The following UBE3C variants were observed in gnomAD, a reference collection of about 807,000 sequenced individuals.
The protein encoded by UBE3C is ubiquitin protein ligase E3C, also known as ubiquitin-protein ligase E3C.
Under a neutral mutation model 129.4 loss-of-function variants are expected in UBE3C, and 42 were observed. That is an observed-to-expected ratio of 0.32 (90% confidence interval 0.25 to 0.42). The LOEUF is 0.42. Ranked by LOEUF, UBE3C falls within the 10% of genes least tolerant of loss-of-function variation. The pLI, the probability that UBE3C is intolerant of heterozygous loss-of-function variation, is 1.00. For missense variants in UBE3C, 1,049 were observed against 1,319.1 expected, an observed-to-expected ratio of 0.80 and a Z score of 3.17; for synonymous variants, 510 against 492.4, an observed-to-expected ratio of 1.04 and a Z score of -0.47.
intron 5 of UBE3C, among the ~76,000 whole-genome samples, chr7:157,176,366 C>T (rs1209202862): frequency 6.6e-6 from 1 of 152,176 alleles, no homozygotes; most frequent in Non-Finnish European, 1.5e-5. Context: ...CCACTGCCTC[C>T]TGGGTTCAAG....
intron 10 of UBE3C, among the ~76,000 whole-genome samples, chr7:157,191,581 A>C (rs1808968553): frequency 6.6e-6 from 1 of 152,192 alleles, no homozygotes; most frequent in Admixed American, 6.5e-5. Flanking sequence ...TGCAGGTGCA[A>C]GTCACTGCGC....
At chr7:157,146,227 A>G (rs543529684) in intron 1 of UBE3C, among the ~76,000 whole-genome samples, 1 of 151,804 alleles carries the variant, frequency 6.6e-6, no homozygotes, top group South Asian at 2.1e-4. Context: ...TCAGTTGGCT[A>G]TATTTTTATG....
At chr7:157,181,086 T>C (rs1317200017) in intron 6 of UBE3C, among the ~76,000 whole-genome samples, 1 of 152,252 alleles carries the variant, frequency 6.6e-6, no homozygotes, top group Non-Finnish European at 1.5e-5. Flanking sequence ...TCACAATATG[T>C]GGTCCTTATT....
chr7:157,175,137 C>CTTTTTTTTTT (rs56852731), intron 5 of UBE3C, 103 bp downstream of exon 5: 2,844 of 251,670 alleles, frequency 0.011, 154 homozygotes, highest in African/African-American at 0.016. Context: ...CTTTTCCATA[C>CTTTTTTTTTT]TTTTTTTTTT....
chr7:157,157,151 TTAAAAA>T (rs1179027425), intron 1 of UBE3C, among the ~76,000 whole-genome samples: 1 of 152,162 alleles, frequency 6.6e-6, no homozygotes, highest in African/African-American at 2.4e-5. Flanking sequence ...CAGCATACTA[TTAAAAA>T]TAAACCTGCA....
chr7:157,234,613 C>T (rs897900799), intron 18 of UBE3C, among the ~76,000 whole-genome samples: 17 of 152,056 alleles, frequency 1.1e-4, no homozygotes, highest in Admixed American at 3.9e-4. Flanking sequence ...TGTCGTAGCC[C>T]CAGTTATTTC....
chr7:157,183,761 A>T, intron 8 of UBE3C, 117 bp from the exon 9 acceptor site: 1 of 1,299,188 alleles, frequency 7.7e-7, no homozygotes, highest in South Asian at 1.5e-5. Flanking sequence ...TTAGAATTTT[A>T]AAAATAAGAT....
At position 157,201,659 on chromosome 7, in the gene UBE3C, A is replaced by T. The variant is rs3039776; in HGVS notation, c.1332-62A>T. 0.031 allele frequency: 7,893 copies of T among 258,336 alleles called. 243 individuals carry two copies. The highest frequency in any genetic ancestry group is 0.059 in the South Asian group (697 of 11,866). 16.0% of individuals were successfully genotyped at this position (258,336 alleles called of 1,614,324 possible). Reference sequence around the variant, plus strand: ...TCGCTTTTTTTTTTTTTTTTTTTTTAAGAAATGTTTTGAATAAGTAATTGC... The same window carrying T: ...TCGCTTTTTTTTTTTTTTTTTTTTTTAGAAATGTTTTGAATAAGTAATTGC... On this transcript the variant is annotated intron_variant, in intron 10 of 22. Coordinates refer to ENST00000348165, the MANE Select transcript of UBE3C (RefSeq NM_014671.3).
At chr7:157,253,083 A>G (rs1796659312) in intron 19 of UBE3C, among the ~76,000 whole-genome samples, 1 of 152,160 alleles carries the variant, frequency 6.6e-6, no homozygotes, top group African/African-American at 2.4e-5. Flanking sequence ...TTTATTTAAA[A>G]TACACTCTTT....
intron 5 of UBE3C, among the ~76,000 whole-genome samples, chr7:157,177,030 A>T: frequency 6.6e-6 from 1 of 152,168 alleles, no homozygotes; most frequent in East Asian, 1.9e-4. Context: ...ATATTTTTTA[A>T]TGCCGTTGAA....
chr7:157,246,004 A>AAC (rs1285019703), intron 18 of UBE3C, among the ~76,000 whole-genome samples: 1 of 151,770 alleles, frequency 6.6e-6, no homozygotes, highest in East Asian at 1.9e-4. Flanking sequence ...AAAAAAAAAA[A>AAC]AAAAAAAAAA....
At chr7:157,189,127 T>C (rs538866245) in intron 10 of UBE3C, 36 of 403,916 alleles carry the variant, frequency 8.9e-5, no homozygotes, top group Admixed American at 3.9e-4. Context: ...TGGAAGCATA[T>C]ACAAGAAACT....
intron 1 of UBE3C, among the ~76,000 whole-genome samples, chr7:157,155,779 G>T (rs566994544): frequency 6.6e-6 from 1 of 152,146 alleles, no homozygotes; most frequent in Non-Finnish European, 1.5e-5. Flanking sequence ...AGAAGATAAC[G>T]ATAGTACCTA....
chr7:157,185,077 T>C (rs951975672), intron 9 of UBE3C, among the ~76,000 whole-genome samples: 1 of 152,226 alleles, frequency 6.6e-6, no homozygotes, highest in Admixed American at 6.5e-5. Flanking sequence ...ATTTTTGTTT[T>C]TGGAAGAAAG....
At chr7:157,139,445 G>C in intron 1 of UBE3C, 107 bp downstream of exon 1, 1 of 1,120,586 alleles carries the variant, frequency 8.9e-7, no homozygotes, top group Non-Finnish European at 1.2e-6. Flanking sequence ...CCGAGACTTG[G>C]GGCTGGATTC....
intron 1 of UBE3C, among the ~76,000 whole-genome samples, chr7:157,150,774 A>G (rs576927556): frequency 4.9e-4 from 74 of 152,362 alleles, no homozygotes; most frequent in Non-Finnish European, 9.6e-4. Flanking sequence ...AAAGATAGCT[A>G]GTTTCCCAGT....
intron 11 of UBE3C, among the ~76,000 whole-genome samples, chr7:157,204,346 C>T (rs981178223): frequency 1.5e-4 from 22 of 146,994 alleles, no homozygotes; most frequent in Admixed American, 9.9e-4. Flanking sequence ...TCTCCTGAGA[C>T]GAGATTGCGC....
chr7:157,215,342 A>G (rs893649915), intron 13 of UBE3C, among the ~76,000 whole-genome samples: 32 of 152,080 alleles, frequency 2.1e-4, no homozygotes, highest in Non-Finnish European at 3.7e-4. Context: ...TGCATTTCAT[A>G]AAATAAGCAT....
At chr7:157,239,823 C>T (rs1313218560) in intron 18 of UBE3C, among the ~76,000 whole-genome samples, 2 of 152,170 alleles carry the variant, frequency 1.3e-5, no homozygotes, top group Admixed American at 6.5e-5. Flanking sequence ...CCACAGGCTG[C>T]GTGTCCAAGA....
Sources: gnomAD v4.1 joint callset for allele counts (sites outside exome capture counted in the v4.1 genomes callset) on GRCh38, gnomAD v4.1.1 for gene constraint, MANE v1.5 for transcripts, NCBI Gene and HGNC (gene_info 2026-07-23, HGNC 2026-07-21) for gene names.